Variants in ZNF451 observed in about 807,000 individuals in gnomAD.
The protein encoded by ZNF451 is zinc finger protein 451.
Under a neutral mutation model 107.1 loss-of-function variants are expected in ZNF451, and 80 were observed. The ratio of observed to expected loss-of-function variants is 0.75; its 90% CI spans 0.62 to 0.90. ZNF451 has a LOEUF of 0.90. ZNF451 is among the 40% of genes least tolerant of loss of function. ZNF451 has a pLI of 0.00. For synonymous variants in ZNF451, 362 were observed against 406.5 expected, an observed-to-expected ratio of 0.89 and a Z score of 1.32; for missense variants, 1,107 against 1,236.2, an observed-to-expected ratio of 0.90 and a Z score of 1.57.
At chr6:57,105,215 C>T (rs749663330) in intron 3 of ZNF451, 7 of 985,166 alleles carry the variant, frequency 7.1e-6, no homozygotes, top group African/African-American at 1.7e-5. Flanking sequence ...TCTAGGAGGC[C>T]TTGGAATAGT....
chr6:57,148,493 G>A lies in ZNF451; in HGVS notation c.2408G>A (p.Ser803Asn). 6.2e-7 allele frequency: 1 copy of A among 1,614,124 alleles called. No individual in the cohort carries two copies. Residue 803 changes from serine (S) to asparagine (N), a missense_variant, in exon 10 of 15, where the codon AGT becomes AAT. This residue lies in a region of ZNF451 where 608 missense variants were observed against 649.2 expected (regional missense o/e 0.94). Coordinates refer to ENST00000370706, the MANE Select transcript of ZNF451 (RefSeq NM_001031623.3). ...TCTKAFHDPE[S>N]AQQHFHRKHC... ...ACCAAAGCATTTCATGATCCTGAGAGTGCACAGCAGCATTTCCATAGAAAA... is the reference window on the plus strand; with the variant it reads ...ACCAAAGCATTTCATGATCCTGAGAATGCACAGCAGCATTTCCATAGAAAA...
At chr6:57,122,340 C>CTA (rs1403173706) in intron 3 of ZNF451, among the ~76,000 whole-genome samples, 1 of 152,054 alleles carries the variant, frequency 6.6e-6, no homozygotes, top group East Asian at 1.9e-4. Context: ...GATGAAGACC[C>CTA]TAAAAGCAAA....
chr6:57,097,171 C>T (rs1477322404), intron 2 of ZNF451, among the ~76,000 whole-genome samples: 5 of 152,034 alleles, frequency 3.3e-5, no homozygotes, highest in Non-Finnish European at 7.4e-5. Context: ...TTTTTACTTC[C>T]GTGTTTATAG....
intron 3 of ZNF451, among the ~76,000 whole-genome samples, chr6:57,113,216 C>T (rs1830190769): frequency 6.6e-6 from 1 of 152,052 alleles, no homozygotes. Flanking sequence ...TTAGCTCCCA[C>T]TTATAAGTGA....
intron 13 of ZNF451, among the ~76,000 whole-genome samples, chr6:57,155,988 G>T (rs746753349): frequency 6.6e-6 from 1 of 151,972 alleles, no homozygotes; most frequent in Non-Finnish European, 1.5e-5. Flanking sequence ...CTGTTTCCTA[G>T]CAGCGCGATT....
chr6:57,135,408 G>GACTT, intron 7 of ZNF451, among the ~76,000 whole-genome samples: 1 of 151,966 alleles, frequency 6.6e-6, no homozygotes, highest in East Asian at 1.9e-4. Context: ...TAACTTTAAT[G>GACTT]ACTTACTAAC....
chr6:57,137,681 A>C (rs1414594864), intron 7 of ZNF451, among the ~76,000 whole-genome samples: 1 of 152,016 alleles, frequency 6.6e-6, no homozygotes, highest in Non-Finnish European at 1.5e-5. Flanking sequence ...GTCATTTGTG[A>C]GTCTGTTGAA....
intron 7 of ZNF451, among the ~76,000 whole-genome samples, chr6:57,140,382 G>A (rs557334794): frequency 6.6e-6 from 1 of 152,146 alleles, no homozygotes; most frequent in South Asian, 2.1e-4. Context: ...CCTGGGCAAC[G>A]TGGGGAAACC....
intron 5 of ZNF451, among the ~76,000 whole-genome samples, chr6:57,131,931 T>C (rs1831196824): frequency 6.6e-6 from 1 of 152,186 alleles, no homozygotes; most frequent in African/African-American, 2.4e-5. Context: ...TTTCTTCATA[T>C]ATCATGCGTT....
rs1235246192 is a variant in ZNF451, at chr6:57,170,225, CAAG to C, written c.*1757_*1759del. On this transcript the variant is annotated 3_prime_UTR_variant, in exon 15 of 15. Coordinates refer to ENST00000370706, the MANE Select transcript of ZNF451 (RefSeq NM_001031623.3). ...TCATACTTTGACTTTAATTTAGACA[CAAG>C]GAGATGTAATCGCTGTGTAACATCA... 6.6e-6 allele frequency: 1 copy of C among 152,124 alleles called. No individual in the cohort carries two copies. The highest frequency in any genetic ancestry group is 1.5e-5 in the Non-Finnish European group (1 of 68,028). The allele number at this position is 152,124 out of a possible 1,614,324, so 9.4% of individuals were successfully genotyped here.
intron 3 of ZNF451, among the ~76,000 whole-genome samples, chr6:57,123,071 G>A (rs1593118970): frequency 6.7e-6 from 1 of 149,744 alleles, no homozygotes; most frequent in South Asian, 2.1e-4. Context: ...AGGAGGCTGA[G>A]ACAGGAGGAT....
intron 3 of ZNF451, chr6:57,103,730 G>A (rs766856482): frequency 2.9e-4 from 285 of 985,160 alleles, no homozygotes; most frequent in Non-Finnish European, 3.2e-4. Flanking sequence ...TACTGCTAAT[G>A]GAATATGGCA....
chr6:57,147,978 C>G lies in ZNF451; in HGVS notation c.1893C>G (p.His631Gln). ...AGCACTGCATGTCTTTGGCAAGCCACAAGTTTCATAGATACAGCTGTGCTC... is the reference window on the plus strand; with the variant it reads ...AGCACTGCATGTCTTTGGCAAGCCAGAAGTTTCATAGATACAGCTGTGCTC... ...VKQHCMSLAS[H>Q]KFHRYSCAHC... is the part of the protein sequence containing the mutation. Residue 631 changes from histidine to glutamine, a missense_variant, in exon 10 of 15, where the codon CAC (histidine) becomes CAG (glutamine). By Grantham distance (24) the His-to-Gln change is conservative (BLOSUM62 0). This residue lies in a region of ZNF451 where 608 missense variants were observed against 649.2 expected (regional missense o/e 0.94). Transcript: ENST00000370706. 2 of 1,614,124 alleles carry G rather than the reference C, an allele frequency of 1.2e-6. No individual in the cohort carries two copies. The highest frequency in any genetic ancestry group is 1.7e-6 in the Non-Finnish European group (2 of 1,179,988).
intron 2 of ZNF451, among the ~76,000 whole-genome samples, chr6:57,093,598 A>T (rs537229080): frequency 6.6e-6 from 1 of 152,354 alleles, no homozygotes; most frequent in South Asian, 2.1e-4. Flanking sequence ...AATAGTCCTT[A>T]GAGGTAGTAG....
intron 3 of ZNF451, chr6:57,107,697 C>A (rs1829930031): frequency 1.0e-6 from 1 of 985,282 alleles, no homozygotes; most frequent in Non-Finnish European, 1.2e-6. Flanking sequence ...TTTTGTGGTA[C>A]CTTGTCAAGA....
At chr6:57,124,315 GTCCACGCTAAGCATCCATTAGAGT>G (rs1562605815) in intron 3 of ZNF451, 1 of 667,178 alleles carries the variant, frequency 1.5e-6, no homozygotes, top group African/African-American at 1.8e-5. Flanking sequence ...TCTCAGGCTC[GTCCACGCTAAGCATCCATTAGAGT>G]TTAGTTTCCT....
chr6:57,129,287 G>T (rs1161643968), intron 5 of ZNF451, among the ~76,000 whole-genome samples: 2 of 152,102 alleles, frequency 1.3e-5, no homozygotes, highest in East Asian at 3.8e-4. Context: ...TCATAGACTT[G>T]TCAAAACATT....
intron 3 of ZNF451, chr6:57,106,790 T>G (rs1829884707): frequency 1.0e-6 from 1 of 985,236 alleles, no homozygotes; most frequent in South Asian, 4.7e-5. Flanking sequence ...CGATTCTGTG[T>G]GGTTTATCAT....
chr6:57,114,939 A>G (rs540175608), intron 3 of ZNF451: 1 of 152,310 alleles, frequency 6.6e-6, no homozygotes, highest in East Asian at 1.9e-4. Flanking sequence ...ATTCATATAT[A>G]TATTTACAGG....
Sources: allele counts gnomAD v4.1 joint callset (sites outside exome capture counted in the v4.1 genomes callset), GRCh38; gene constraint gnomAD v4.1.1; regional missense constraint gnomAD v4.1.1; transcripts MANE v1.5; gene names NCBI Gene and HGNC (gene_info 2026-07-23, HGNC 2026-07-21).